KIFC3: variants seen among roughly 807,000 people sequenced by gnomAD.
The protein encoded by KIFC3 is kinesin family member C3.
KIFC3 carries 60 observed loss-of-function variants against 101.8 expected under a neutral mutation model. That is an observed-to-expected ratio of 0.59 (90% confidence interval 0.48 to 0.73). The LOEUF (loss-of-function observed/expected upper bound fraction) is 0.73, where lower values mean the gene tolerates loss of function less well. Ranked by LOEUF, KIFC3 falls within the 30% of genes least tolerant of loss-of-function variation. The pLI, the probability that KIFC3 is intolerant of heterozygous loss-of-function variation, is 0.00. For synonymous variants in KIFC3, 476 were observed against 482.7 expected (o/e 0.99, Z 0.18); for missense variants, 966 against 1,137.1 (o/e 0.85, Z 2.16).
chr16:57,772,193 C>T (rs781907952), intron 4 of KIFC3, 30 bp downstream of exon 4: 25 of 1,602,444 alleles, frequency 1.6e-5, no homozygotes, highest in Admixed American at 8.4e-5. Context: ...CCAGGCCCTG[C>T]GCTACCCCAG....
At chr16:57,806,171 T>C (rs1229572958), upstream of KIFC3, among the ~76,000 whole-genome samples, 1 of 152,234 alleles carries the variant, frequency 6.6e-6, no homozygotes, top group Admixed American at 6.5e-5. Flanking sequence ...GTGTTTAATC[T>C]GATTCTCATA....
rs201517307 is a variant in KIFC3, at chr16:57,795,099, C to T, written c.215G>A (p.Ser72Asn). The stretch of plus-strand genomic sequence containing the variant: ...GGCTGGGCGAGCTGCACTTCGGGCA[C>T]TGGAGTCCTCGTCACCGCAGACTGG... ...DTPVCGDEDSSARSAARPALA... is the reference protein window; with the variant it reads ...DTPVCGDEDSNARSAARPALA... Residue 72 changes from serine (S) to asparagine (N), a missense_variant, in exon 3 of 20, where the codon AGT (serine) becomes AAT (asparagine). By Grantham distance (46) the Ser-to-Asn change is conservative (BLOSUM62 1). Coordinates refer to ENST00000445690, the MANE Select transcript of KIFC3 (RefSeq NM_001130100.2). The T allele has an allele frequency of 1.2e-6, 2 of 1,610,046 alleles. No homozygotes were observed. Among genetic ancestry groups the T allele is most frequent in the African/African-American group, 2.7e-5 (2 of 74,316 alleles).
chr16:57,795,251 G>T, intron 2 of KIFC3, 110 bp from the exon 3 acceptor site: 1 of 1,347,410 alleles, frequency 7.4e-7, no homozygotes, highest in Non-Finnish European at 1.0e-6. Context: ...CACATCCCTG[G>T]CTGGTCCAGA....
intron 3 of KIFC3, chr16:57,775,852 T>C: frequency 1.0e-6 from 1 of 985,488 alleles, no homozygotes; most frequent in Non-Finnish European, 1.2e-6. Flanking sequence ...CGGACCAGGC[T>C]GGGGCTGTGC....
intron 12 of KIFC3, 97 bp from the exon 13 acceptor site, chr16:57,762,367 C>A: frequency 7.6e-7 from 1 of 1,307,976 alleles, no homozygotes. Context: ...CCCTCACAAG[C>A]AAGCCTCCTT....
At chr16:57,772,188 C>T (rs1555609170) in intron 4 of KIFC3, 35 bp downstream of exon 4, 1 of 1,591,354 alleles carries the variant, frequency 6.3e-7, no homozygotes, top group African/African-American at 1.3e-5. Context: ...GCAGGCCAGG[C>T]CCTGCGCTAC....
upstream of KIFC3, among the ~76,000 whole-genome samples, chr16:57,805,146 A>C (rs1555626680): frequency 6.6e-6 from 1 of 151,994 alleles, no homozygotes; most frequent in African/African-American, 2.4e-5. Flanking sequence ...CAGTTTTTTA[A>C]AAAGAATATT....
At chr16:57,857,895 C>T (rs867309531) in intron 1 of KIFC3, among the ~76,000 whole-genome samples, 4 of 135,066 alleles carry the variant, frequency 3.0e-5, no homozygotes, top group East Asian at 2.3e-4. Flanking sequence ...GGCACGATCT[C>T]GGCTCACTGC....
chr16:57,761,790 C>A (rs2148850247), intron 13 of KIFC3, among the ~76,000 whole-genome samples: 1 of 152,242 alleles, frequency 6.6e-6, no homozygotes, highest in South Asian at 2.1e-4. Flanking sequence ...CTGGTGTAGC[C>A]CACAGGTAGG....
At chr16:57,786,426 C>A (rs2053329330) in intron 3 of KIFC3, among the ~76,000 whole-genome samples, 1 of 152,088 alleles carries the variant, frequency 6.6e-6, no homozygotes. Flanking sequence ...GTGCACGGGG[C>A]CTGGGATGCT....
chr16:57,767,393 C>T (rs2050613554), intron 9 of KIFC3, among the ~76,000 whole-genome samples: 1 of 152,190 alleles, frequency 6.6e-6, no homozygotes, highest in Admixed American at 6.5e-5. Context: ...ATAATACCAT[C>T]TAACTCATGA....
intron 1 of KIFC3, among the ~76,000 whole-genome samples, chr16:57,822,267 C>CT (rs2149278601): frequency 6.6e-6 from 1 of 152,264 alleles, no homozygotes; most frequent in South Asian, 2.1e-4. Flanking sequence ...AAAGTAATCA[C>CT]TTGTCCCTCA....
chr16:57,798,266 T>C lies in KIFC3; in HGVS notation c.-23A>G. The C allele has an allele frequency of 6.4e-7, 1 of 1,550,760 alleles. No individual in the cohort carries two copies. Among genetic ancestry groups the C allele is most frequent in the Non-Finnish European group, 8.7e-7 (1 of 1,148,210 alleles). ...CATGGCCTGGGGCTCAGCAGCCTCCTCGGGGCACCAGGCAGCCTGCGGAGA... is the reference window on the plus strand; with the variant it reads ...CATGGCCTGGGGCTCAGCAGCCTCCCCGGGGCACCAGGCAGCCTGCGGAGA... On this transcript the variant is annotated 5_prime_UTR_variant, in exon 2 of 20. Coordinates refer to ENST00000445690, the MANE Select transcript of KIFC3 (RefSeq NM_001130100.2).
At chr16:57,768,532 C>CACACACACACACACACACACAG in intron 9 of KIFC3, among the ~76,000 whole-genome samples, 1 of 151,764 alleles carries the variant, frequency 6.6e-6, no homozygotes, top group South Asian at 2.1e-4. Flanking sequence ...CACACACACA[C>CACACACACACACACACACACAG]ACACGCACAA....
At chr16:57,794,164 A>G (rs1447221891) in intron 3 of KIFC3, among the ~76,000 whole-genome samples, 1 of 152,116 alleles carries the variant, frequency 6.6e-6, no homozygotes, top group East Asian at 1.9e-4. Context: ...AGTAGCTCTT[A>G]TTACTATTAT....
intron 3 of KIFC3, among the ~76,000 whole-genome samples, chr16:57,783,365 G>A (rs542731544): frequency 2.6e-5 from 4 of 152,164 alleles, no homozygotes; most frequent in South Asian, 2.1e-4. Context: ...CTGGTGATGG[G>A]TGCATTGCCA....
At chr16:57,823,407 A>G (rs565528162) in intron 1 of KIFC3, among the ~76,000 whole-genome samples, 1 of 152,274 alleles carries the variant, frequency 6.6e-6, no homozygotes, top group South Asian at 2.1e-4. Flanking sequence ...TACCTTGGGC[A>G]CTTCTCCTCA....
chr16:57,765,686 C>T, intron 10 of KIFC3, 46 bp from the exon 11 acceptor site: 1 of 1,547,974 alleles, frequency 6.5e-7, no homozygotes, highest in Non-Finnish European at 8.8e-7. Context: ...CATGTCAAGA[C>T]CAGTCTCCAT....
At chr16:57,837,366 G>A (rs543959251) in intron 1 of KIFC3, among the ~76,000 whole-genome samples, 121 of 152,044 alleles carry the variant, frequency 8.0e-4, no homozygotes, top group Admixed American at 4.5e-3. Context: ...TATTCAGGAG[G>A]CTGAGGCAGG....
Sources: allele counts gnomAD v4.1 joint callset (sites outside exome capture counted in the v4.1 genomes callset), GRCh38; gene constraint gnomAD v4.1.1; transcripts MANE v1.5; gene names NCBI Gene and HGNC (gene_info 2026-07-23, HGNC 2026-07-21).